SSUH2: variants seen among roughly 807,000 people sequenced by gnomAD.
SSUH2 encodes ssu-2 homolog, also known as protein SSUH2 homolog.
Under a neutral mutation model 55.3 loss-of-function variants are expected in SSUH2, and 47 were observed. The observed-to-expected ratio is 0.85, with a 90% CI of 0.67 to 1.08. The LOEUF is 1.08. Ranked by LOEUF, SSUH2 falls within the 50% of genes least tolerant of loss-of-function variation. The pLI is 0.00. For synonymous variants in SSUH2, 212 were observed against 191.5 expected, an observed-to-expected ratio of 1.11 and a Z score of -0.89; for missense variants, 535 against 490.7, an observed-to-expected ratio of 1.09 and a Z score of -0.85.
intron 2 of SSUH2, among the ~76,000 whole-genome samples, chr3:8,678,507 GC>G (rs1247168721): frequency 8.8e-6 from 1 of 114,066 alleles, no homozygotes; most frequent in Non-Finnish European, 2.0e-5. Context: ...GGCACCCCCC[GC>G]GAGGCGGGGA....
rs148684269 is a variant in SSUH2, at chr3:8,666,709, C to T, written c.-454-2907G>A. On this transcript the variant is annotated intron_variant, in intron 5 of 18. Coordinates refer to the SSUH2 transcript ENST00000317371. ...GATGTCCTCCAATTCAATTCCAACA[C>T]GATTTACCCGGGCATAACGTCAGAT... is the stretch of plus-strand genomic sequence containing the variant. 2.4e-4 allele frequency among the ~76,000 whole-genome samples: 36 copies of T among 152,316 alleles called. No homozygotes were observed. In the East Asian group the frequency reaches 5.4e-3, roughly 23 times the overall value.
chr3:8,636,487 T>C (rs1292297141), intron 1 of SSUH2, among the ~76,000 whole-genome samples: 1 of 152,192 alleles, frequency 6.6e-6, no homozygotes, highest in Non-Finnish European at 1.5e-5. Context: ...ATCTCCTGCC[T>C]GAGCCCTACC....
At chr3:8,680,153 G>A (rs574689380) in intron 1 of SSUH2, among the ~76,000 whole-genome samples, 40 of 152,294 alleles carry the variant, frequency 2.6e-4, no homozygotes, top group Admixed American at 1.6e-3. Context: ...CGAGGCCGGT[G>A]GCCTACGTCT....
intron 1 of SSUH2, among the ~76,000 whole-genome samples, chr3:8,639,179 C>T (rs1024031925): frequency 1.3e-5 from 2 of 152,178 alleles, no homozygotes; most frequent in African/African-American, 2.4e-5. Context: ...GTGTGACACC[C>T]AGCACGGGGC....
At chr3:8,622,567 G>T in intron 11 of SSUH2, among the ~76,000 whole-genome samples, 1 of 152,120 alleles carries the variant, frequency 6.6e-6, no homozygotes, top group East Asian at 1.9e-4. Context: ...TTTGAATGAC[G>T]CTCTGTCACC....
intron 10 of SSUH2, among the ~76,000 whole-genome samples, chr3:8,624,093 G>C (rs1438311116): frequency 6.6e-6 from 1 of 152,196 alleles, no homozygotes; most frequent in African/African-American, 2.4e-5. Context: ...CCAGGCGCTT[G>C]CACTCAACCT....
At chr3:8,654,311 G>C (rs1035028598) in intron 7 of SSUH2, among the ~76,000 whole-genome samples, 1 of 152,180 alleles carries the variant, frequency 6.6e-6, no homozygotes, top group Non-Finnish European at 1.5e-5. Context: ...TCACATTAGG[G>C]GGTAGGGCTT....
intron 3 of SSUH2, among the ~76,000 whole-genome samples, chr3:8,675,395 G>A (rs1705127032): frequency 6.6e-6 from 1 of 152,136 alleles, no homozygotes; most frequent in African/African-American, 2.4e-5. Flanking sequence ...AGAGACCTAG[G>A]CTGCGTGTTG....
intron 7 of SSUH2, among the ~76,000 whole-genome samples, chr3:8,657,086 G>A (rs548895825): frequency 6.6e-6 from 1 of 152,216 alleles, no homozygotes; most frequent in African/African-American, 2.4e-5. Context: ...TTGCCATGTT[G>A]GCCAAGCTGG....
At chr3:8,621,386 C>A (rs1163279183) in intron 11 of SSUH2, among the ~76,000 whole-genome samples, 1 of 152,176 alleles carries the variant, frequency 6.6e-6, no homozygotes, top group Non-Finnish European at 1.5e-5. Flanking sequence ...GGGGCTGAGG[C>A]TGAAGCCATC....
chr3:8,676,476 G>A (rs150704684), intron 3 of SSUH2, among the ~76,000 whole-genome samples: 4 of 150,814 alleles, frequency 2.7e-5, no homozygotes, highest in African/African-American at 9.7e-5. Context: ...CATACATGTA[G>A]TCATATCACC....
At chr3:8,647,806 T>C (rs541703932), upstream of SSUH2, among the ~76,000 whole-genome samples, 6 of 152,346 alleles carry the variant, frequency 3.9e-5, no homozygotes, top group African/African-American at 1.4e-4. Flanking sequence ...AAAGGAGTTC[T>C]GCCCCAAAGG....
chr3:8,625,803 T>G (rs1330062299), intron 9 of SSUH2, among the ~76,000 whole-genome samples, 156 bp from the exon 10 acceptor site: 2 of 152,224 alleles, frequency 1.3e-5, no homozygotes, highest in African/African-American at 2.4e-5. Context: ...TCTCCTCACC[T>G]GTAAAATGAA....
In SSUH2 at chr3:8,631,694, G is replaced by C. The variant is rs1343530539; in HGVS notation, c.400+355C>G. ...TGGCAAGGCGAATGGGGAGCACAGG[G>C]GCCTAGAAGCTTAGGAGGAATTAGG... On this transcript the variant is annotated intron_variant, in intron 5 of 11. Coordinates refer to ENST00000544814, the MANE Select transcript of SSUH2 (RefSeq NM_001256748.3). Among the ~76,000 whole-genome samples, 4 of 151,996 alleles carry C rather than the reference G, an allele frequency of 2.6e-5. 1 individual carries two copies. The East Asian group carries it at 5.8e-4, about 22-fold the overall frequency.
intron 2 of SSUH2, among the ~76,000 whole-genome samples, chr3:8,678,606 C>A (rs1388950286): frequency 2.3e-5 from 2 of 88,076 alleles, no homozygotes; most frequent in African/African-American, 4.1e-5. Context: ...GACTGAGAGC[C>A]AGCCCTTCTT....
At chr3:8,635,499 C>A in intron 2 of SSUH2, 118 bp from the exon 3 acceptor site, 3 of 813,866 alleles carry the variant, frequency 3.7e-6, no homozygotes, top group Admixed American at 5.1e-5. Flanking sequence ...AACAGTGATG[C>A]ATTTAATGCA....
chr3:8,677,767 G>C (rs917109226), intron 2 of SSUH2, among the ~76,000 whole-genome samples: 2 of 150,592 alleles, frequency 1.3e-5, no homozygotes, highest in African/African-American at 4.9e-5. Flanking sequence ...CTGACTCTTG[G>C]GCAAAACCTG....
chr3:8,641,615 C>T (rs778682249), intron 1 of SSUH2, among the ~76,000 whole-genome samples: 4 of 152,236 alleles, frequency 2.6e-5, no homozygotes, highest in Non-Finnish European at 2.9e-5. Flanking sequence ...ATCCCCCTCC[C>T]GAAGTGTGCA....
At chr3:8,623,505 A>G in intron 11 of SSUH2, 44 bp downstream of exon 11, 1 of 1,163,606 alleles carries the variant, frequency 8.6e-7, no homozygotes, top group Non-Finnish European at 1.3e-6. Flanking sequence ...TCAGCAGCCC[A>G]GGAAGAGACG....
Sources: allele counts gnomAD v4.1 joint callset (sites outside exome capture counted in the v4.1 genomes callset), GRCh38; gene constraint gnomAD v4.1.1; transcripts MANE v1.5; gene names NCBI Gene and HGNC (gene_info 2026-07-23, HGNC 2026-07-21).